The following KL variants were observed in gnomAD, a reference collection of about 807,000 sequenced individuals.
The protein encoded by KL is alpha-klotho.
A neutral mutation model predicts 84.2 loss-of-function variants in KL; 62 were observed. The ratio of observed to expected loss-of-function variants is 0.74; its 90% CI spans 0.60 to 0.91. The LOEUF is 0.91. Ranked by LOEUF, KL falls within the 40% of genes least tolerant of loss-of-function variation. KL has a pLI of 0.00. For synonymous variants in KL, 528 were observed against 528.0 expected (o/e 1.00, Z 0.00); for missense variants, 1,261 against 1,305.7 (o/e 0.97, Z 0.53).
chr13:33,043,757 T>C (rs1871424305), intron 1 of KL, among the ~76,000 whole-genome samples: 1 of 152,208 alleles, frequency 6.6e-6, no homozygotes, highest in Non-Finnish European at 1.5e-5. Context: ...ATAATTATTT[T>C]GTCAATTATA....
chr13:33,020,991 C>T (rs1255340838), intron 1 of KL, among the ~76,000 whole-genome samples: 3 of 152,108 alleles, frequency 2.0e-5, no homozygotes, highest in African/African-American at 7.2e-5. Flanking sequence ...CAGGACTTCG[C>T]TTTGCTCAGA....
chr13:33,028,790 A>G (rs1870868858), intron 1 of KL, among the ~76,000 whole-genome samples: 1 of 152,258 alleles, frequency 6.6e-6, no homozygotes, highest in Non-Finnish European at 1.5e-5. Context: ...TACAAGGTCC[A>G]GCTGTGAATG....
chr13:33,051,799 C>T (rs1871759553), intron 1 of KL, among the ~76,000 whole-genome samples: 2 of 152,204 alleles, frequency 1.3e-5, no homozygotes, highest in Non-Finnish European at 2.9e-5. Context: ...GCTTATTCTA[C>T]AGAAAGGTGC....
At chr13:33,019,996 C>T (rs1870515714) in intron 1 of KL, among the ~76,000 whole-genome samples, 1 of 152,046 alleles carries the variant, frequency 6.6e-6, no homozygotes, top group Non-Finnish European at 1.5e-5. Flanking sequence ...CCCAGCAGTG[C>T]CTCTGAGTCT....
At chr13:33,025,767 C>T (rs1250005990) in intron 1 of KL, among the ~76,000 whole-genome samples, 2 of 152,162 alleles carry the variant, frequency 1.3e-5, no homozygotes, top group African/African-American at 4.8e-5. Context: ...TTGGCTGTCA[C>T]CTTACCGCGG....
At position 33,055,236 on chromosome 13, in the gene KL, C is replaced by T; in HGVS notation, c.1520C>T (p.Pro507Leu). ...AAGCTGATAGAGAAAAATGGCTTCC[C>T]TCCTTTACCTGAAAATCAGCCCCTA... is the stretch of plus-strand genomic sequence containing the variant. ...YQKLIEKNGF[P>L]PLPENQPLEG... Residue 507 changes from proline (P) to leucine (L), a missense_variant, in exon 3 of 5, where the codon CCT becomes CTT. Physicochemically the swap from Pro to Leu is moderately conservative, Grantham distance 98. Coordinates refer to ENST00000380099, the MANE Select transcript of KL (RefSeq NM_004795.4). 1 of 1,614,202 alleles carries T rather than the reference C, an allele frequency of 6.2e-7. No homozygotes were observed. The highest frequency in any genetic ancestry group is 1.3e-5 in the African/African-American group (1 of 75,040).
chr13:33,027,540 G>A (rs1183231137), intron 1 of KL, among the ~76,000 whole-genome samples: 1 of 152,092 alleles, frequency 6.6e-6, no homozygotes, highest in Non-Finnish European at 1.5e-5. Context: ...CTCTTATATT[G>A]AGCCTTTAAC....
intron 1 of KL, among the ~76,000 whole-genome samples, chr13:33,032,817 G>GA (rs1397580278): frequency 6.6e-6 from 1 of 151,898 alleles, no homozygotes; most frequent in Non-Finnish European, 1.5e-5. Flanking sequence ...GATCTGCCTG[G>GA]AATGCCTTTT....
At chr13:33,055,538 AAAGCAT>A (rs1871928177) in intron 3 of KL, among the ~76,000 whole-genome samples, 1 of 152,264 alleles carries the variant, frequency 6.6e-6, no homozygotes, top group African/African-American at 2.4e-5. Context: ...AAATAAATTT[AAAGCAT>A]ATCAATATTT....
chr13:33,057,092 C>T (rs753634252), intron 3 of KL, among the ~76,000 whole-genome samples: 42 of 151,474 alleles, frequency 2.8e-4, no homozygotes, highest in Non-Finnish European at 4.7e-4. Flanking sequence ...CTTCCTCCTC[C>T]TCTTTACTGG....
In KL at chr13:33,053,847, T is replaced by C. The variant is rs777359158; in HGVS notation, c.900T>C (p.Ser300=). ...GTCAGGTGTCCATTGCCCTAAGCTC[T>C]CACTGGATCAATCCTCGAAGAATGA... is the stretch of plus-strand genomic sequence containing the variant. ...QGGQVSIALS[S]HWINPRRMTD... Residue 300 remains serine (S), a synonymous_variant, in exon 2 of 5, where the codon TCT becomes TCC. Coordinates refer to ENST00000380099, the MANE Select transcript of KL (RefSeq NM_004795.4). The C allele has an allele frequency of 6.2e-7, 1 of 1,614,156 alleles. No homozygotes were observed. Among genetic ancestry groups the C allele is most frequent in the Admixed American group, 1.7e-5 (1 of 60,024 alleles).
At chr13:33,060,377 C>T (rs370782800) in intron 3 of KL, among the ~76,000 whole-genome samples, 23 of 152,176 alleles carry the variant, frequency 1.5e-4, no homozygotes, top group East Asian at 5.8e-4. Flanking sequence ...TACATAACAC[C>T]GACAAGTAGT....
intron 1 of KL, among the ~76,000 whole-genome samples, chr13:33,035,539 T>A (rs1355640957): frequency 6.6e-6 from 1 of 152,222 alleles, no homozygotes; most frequent in Non-Finnish European, 1.5e-5. Context: ...CATGGAATAC[T>A]TTTGCTGACC....
intron 1 of KL, among the ~76,000 whole-genome samples, chr13:33,042,212 T>C (rs1871363759): frequency 1.3e-5 from 2 of 152,202 alleles, no homozygotes; most frequent in African/African-American, 4.8e-5. Flanking sequence ...GATATTAATC[T>C]ATTATATATT....
chr13:33,041,154 TTTGA>T (rs1437247178), intron 1 of KL, among the ~76,000 whole-genome samples: 1 of 152,120 alleles, frequency 6.6e-6, no homozygotes, highest in African/African-American at 2.4e-5. Flanking sequence ...TACATAGTTG[TTTGA>T]TTCCATTTAC....
intron 1 of KL, among the ~76,000 whole-genome samples, chr13:33,019,812 G>A (rs989330888): frequency 1.5e-5 from 2 of 130,918 alleles, no homozygotes; most frequent in African/African-American, 5.5e-5. Context: ...AGAGAGAGAG[G>A]TCTCCTACAA....
chr13:33,030,595 C>G (rs1870938948), intron 1 of KL, among the ~76,000 whole-genome samples: 1 of 152,142 alleles, frequency 6.6e-6, no homozygotes, highest in Non-Finnish European at 1.5e-5. Context: ...CATGCAGACT[C>G]CCGACATCAG....
chr13:33,040,305 A>C (rs945559421), intron 1 of KL, among the ~76,000 whole-genome samples: 3 of 152,198 alleles, frequency 2.0e-5, no homozygotes, highest in Non-Finnish European at 4.4e-5. Context: ...TTATGTAAAC[A>C]CCACACAGTA....
intron 1 of KL, among the ~76,000 whole-genome samples, chr13:33,026,870 A>G (rs574702679): frequency 2.0e-5 from 3 of 152,290 alleles, no homozygotes; most frequent in Admixed American, 2.0e-4. Context: ...TTGACCTCAC[A>G]TAATATACTG....
Sources: allele counts gnomAD v4.1 joint callset (sites outside exome capture counted in the v4.1 genomes callset), GRCh38; gene constraint gnomAD v4.1.1; transcripts MANE v1.5; gene names NCBI Gene and HGNC (gene_info 2026-07-23, HGNC 2026-07-21).